The following BLK variants were observed in gnomAD, a reference collection of about 807,000 sequenced individuals.
The protein encoded by BLK is tyrosine-protein kinase Blk.
In BLK, 64 loss-of-function variants were observed where a neutral mutation model predicts 61.8. The ratio of observed to expected loss-of-function variants is 1.03; its 90% CI spans 0.85 to 1.27. The LOEUF is 1.27. BLK is among the 50% of genes most tolerant of loss of function. The pLI, the probability that BLK is intolerant of heterozygous loss-of-function variation, is 0.00. For missense variants in BLK, 853 were observed against 660.5 expected (o/e 1.29, Z -3.19); for synonymous variants, 351 against 272.0 (o/e 1.29, Z -2.86).
chr8:11,494,564 G>A lies in BLK; in HGVS notation c.-29G>A, dbSNP rs1186804984. On this transcript the variant is annotated 5_prime_UTR_variant, in exon 1 of 13. It removes an upstream start codon present in the reference 5' UTR. Coordinates refer to ENST00000259089, the MANE Select transcript of BLK (RefSeq NM_001715.3). ...AGGGTGTCAGGATCTGAAGAGCTATGGTGAAACACCACTGAAGCATTGCCA... is the reference window on the plus strand; with the variant it reads ...AGGGTGTCAGGATCTGAAGAGCTATAGTGAAACACCACTGAAGCATTGCCA... 1 of 152,278 alleles carries A rather than the reference G, an allele frequency of 6.6e-6. No individual in the cohort carries two copies. Among genetic ancestry groups the A allele is most frequent in the African/African-American group, 2.4e-5 (1 of 41,460 alleles). The allele number at this position is 152,278 out of a possible 1,614,324, so 9.4% of individuals were successfully genotyped here. A position where few individuals can be genotyped will look rare whatever the true frequency, so the allele number is the denominator to read the frequency against.
intron 1 of BLK, among the ~76,000 whole-genome samples, chr8:11,512,094 T>C (rs1799032636): frequency 1.3e-5 from 2 of 152,186 alleles, no homozygotes; most frequent in Non-Finnish European, 2.9e-5. Context: ...ACAAACAAAA[T>C]GGCTTTTCCT....
chr8:11,539,778 G>A (rs1800293380), intron 1 of BLK, among the ~76,000 whole-genome samples: 1 of 152,170 alleles, frequency 6.6e-6, no homozygotes, highest in African/African-American at 2.4e-5. Flanking sequence ...TCCTAGAAAT[G>A]GAGCGTGAAG....
Position 11,556,759 on chromosome 8 carries a change from C to T in BLK, c.874C>T (p.Gln292Ter). 1 of 1,614,240 alleles carries T rather than the reference C, an allele frequency of 6.2e-7. No homozygotes were observed. Among genetic ancestry groups the T allele is most frequent in the South Asian group, 1.1e-5 (1 of 91,084 alleles). ...TGAGGCCAACGTGATGAAGGCTCTG[C>T]AGCACGAGCGGCTGGTCCGACTCTA... ...LGEANVMKAL[Q>*]HERLVRLYAV... is the part of the protein sequence containing the mutation. The change falls in exon 9 of 13, where the codon CAG (glutamine) becomes TAG (stop). Residue 292 changes from glutamine to a stop codon, truncating the protein, a stop_gained. Transcript: ENST00000259089. LOFTEE classifies it high-confidence loss of function.
At chr8:11,521,886 T>G (rs1799466375) in intron 1 of BLK, among the ~76,000 whole-genome samples, 1 of 152,230 alleles carries the variant, frequency 6.6e-6, no homozygotes, top group Admixed American at 6.5e-5. Flanking sequence ...TTTCTCTTCA[T>G]AGATATCTTT....
At chr8:11,525,354 A>C (rs759278097) in intron 1 of BLK, among the ~76,000 whole-genome samples, 3 of 152,230 alleles carry the variant, frequency 2.0e-5, no homozygotes, top group Non-Finnish European at 2.9e-5. Flanking sequence ...AGTCCCCAGA[A>C]GTCTCACTGT....
intron 1 of BLK, among the ~76,000 whole-genome samples, chr8:11,514,207 A>C (rs756368401): frequency 6.6e-6 from 1 of 152,154 alleles, no homozygotes; most frequent in Non-Finnish European, 1.5e-5. Flanking sequence ...GCTACCTGTC[A>C]CTGAGTCTAA....
At chr8:11,525,899 C>G (rs1387489585) in intron 1 of BLK, among the ~76,000 whole-genome samples, 2 of 152,118 alleles carry the variant, frequency 1.3e-5, no homozygotes, top group African/African-American at 4.8e-5. Context: ...CACCCACCAC[C>G]ATGTCCGGCT....
intron 6 of BLK, chr8:11,552,637 C>T (rs903061997): frequency 6.6e-6 from 1 of 152,202 alleles, no homozygotes; most frequent in Non-Finnish European, 1.5e-5. Flanking sequence ...TCTCCCGCTC[C>T]ACCCCTGTTC....
chr8:11,495,314 G>C (rs1418388201), intron 1 of BLK, among the ~76,000 whole-genome samples: 3 of 45,608 alleles, frequency 6.6e-5, no homozygotes, highest in African/African-American at 2.9e-4. Flanking sequence ...TGCGTTTGCA[G>C]TAACAGAAGA....
At position 11,564,310 on chromosome 8, in the gene BLK, T is replaced by A; in HGVS notation, c.*202T>A. 1 of 720,408 alleles carries A rather than the reference T, an allele frequency of 1.4e-6. No homozygotes were observed. Among genetic ancestry groups the A allele is most frequent in the Non-Finnish European group, 2.5e-6 (1 of 402,854 alleles). The allele number at this position is 720,408 out of a possible 1,614,324, so 44.6% of individuals were successfully genotyped here. A position where few individuals can be genotyped will look rare whatever the true frequency, so the allele number is the denominator to read the frequency against. On this transcript the variant is annotated 3_prime_UTR_variant, in exon 13 of 13. Coordinates refer to ENST00000259089, the MANE Select transcript of BLK (RefSeq NM_001715.3). ...ACCCCCGGGCGAGTTACGCGGCCTC[T>A]CTGTGCCGCTTCATTTGTAGAGGGC...
At chr8:11,562,338 G>A (rs1400161605) in intron 11 of BLK, among the ~76,000 whole-genome samples, 2 of 152,190 alleles carry the variant, frequency 1.3e-5, no homozygotes, top group Admixed American at 1.3e-4. Context: ...TGTCTGCTGA[G>A]CCTATGAGTC....
intron 1 of BLK, among the ~76,000 whole-genome samples, chr8:11,495,392 G>A (rs2117220000): frequency 6.6e-6 from 1 of 152,302 alleles, no homozygotes; most frequent in Middle Eastern, 3.4e-3. Context: ...CACCTTGAGT[G>A]AGGTTTGGAC....
At chr8:11,527,162 C>T (rs558894499) in intron 1 of BLK, among the ~76,000 whole-genome samples, 3 of 151,908 alleles carry the variant, frequency 2.0e-5, no homozygotes, top group Admixed American at 6.6e-5. Flanking sequence ...GCTTTTTCTA[C>T]CAGCTTACAA....
intron 11 of BLK, among the ~76,000 whole-genome samples, chr8:11,562,587 G>T (rs1018825970): frequency 6.6e-6 from 1 of 152,226 alleles, no homozygotes. Context: ...GGGACTAACG[G>T]AGGCGCCCGC....
chr8:11,535,316 GA>G (rs1800087446), intron 1 of BLK, among the ~76,000 whole-genome samples: 2 of 122,756 alleles, frequency 1.6e-5, no homozygotes, highest in South Asian at 6.4e-4. Flanking sequence ...AAGAAAGAAA[GA>G]AAGAAAGAGA....
rs377316766 is a variant in BLK, at chr8:11,554,900, G to T, written c.619+11G>T. 5.6e-6 allele frequency: 9 copies of T among 1,611,312 alleles called. No homozygotes were observed. Among genetic ancestry groups the T allele is most frequent in the Non-Finnish European group, 7.6e-6 (9 of 1,179,892 alleles). On this transcript the variant is annotated intron_variant, in intron 7 of 12. Transcript: ENST00000259089. Reference sequence around the variant, plus strand: ...TGCAGCACTATTCTAGTAAGAGGGGGCGTGCAATGGGGGCAGGGACTTGTG... The same window carrying T: ...TGCAGCACTATTCTAGTAAGAGGGGTCGTGCAATGGGGGCAGGGACTTGTG...
intron 10 of BLK, chr8:11,558,487 C>T: frequency 2.7e-6 from 1 of 370,042 alleles, no homozygotes; most frequent in Admixed American, 3.4e-5. Flanking sequence ...TTGCACAGCC[C>T]TGGCGTCGAC....
intron 1 of BLK, among the ~76,000 whole-genome samples, chr8:11,514,153 C>G (rs1799133081): frequency 6.6e-6 from 1 of 152,160 alleles, no homozygotes. Context: ...TTCAAGTGAA[C>G]AGGGTCTGGG....
intron 1 of BLK, among the ~76,000 whole-genome samples, chr8:11,534,058 C>A (rs77841371): frequency 0.018 from 2,758 of 152,278 alleles, 87 homozygotes; most frequent in African/African-American, 0.063. Flanking sequence ...ATCAGCATCA[C>A]TGGGGGCATT....
Sources: allele counts gnomAD v4.1 joint callset (sites outside exome capture counted in the v4.1 genomes callset), GRCh38; gene constraint gnomAD v4.1.1; transcripts MANE v1.5; gene names NCBI Gene and HGNC (gene_info 2026-07-23, HGNC 2026-07-21).